PLA2R1: variants seen among roughly 807,000 people sequenced by gnomAD.
PLA2R1 encodes phospholipase A2 receptor 1, also known as secretory phospholipase A2 receptor.
Under a neutral mutation model 195.9 loss-of-function variants are expected in PLA2R1, and 158 were observed. The ratio of observed to expected loss-of-function variants is 0.81; its 90% CI spans 0.71 to 0.92. PLA2R1 has a LOEUF of 0.92. PLA2R1 is among the 40% of genes least tolerant of loss of function. The probability of loss-of-function intolerance (pLI) is 0.00; values close to 1 mark genes in which losing one functional copy is unlikely to be tolerated. For synonymous variants in PLA2R1, 586 were observed against 598.2 expected, an observed-to-expected ratio of 0.98 and a Z score of 0.30; for missense variants, 1,626 against 1,764.6, an observed-to-expected ratio of 0.92 and a Z score of 1.41.
chr2:159,947,319 A>T (rs1687450859), intron 26 of PLA2R1, 100 bp downstream of exon 26: 3 of 1,042,822 alleles, frequency 2.9e-6, no homozygotes, highest in Non-Finnish European at 4.2e-6. Context: ...GTTGCTCCTA[A>T]AGTCACTAAA....
In PLA2R1 at chr2:160,022,814, C is replaced by T; in HGVS notation, c.1145G>A (p.Trp382Ter). 2 of 1,613,214 alleles carry T rather than the reference C, an allele frequency of 1.2e-6. No homozygotes were observed. The highest frequency in any genetic ancestry group is 3.3e-5 in the Admixed American group (2 of 59,892). The change falls in exon 7 of 30, where the codon TGG becomes TAG. Residue 382 changes from tryptophan (W) to a stop codon, truncating the protein, a stop_gained. Transcript: ENST00000283243. LOFTEE classifies it high-confidence loss of function. ...GTAGCAATTACGATTGTAGGGATTC[C>T]AGCCAGGCTCACAGTGGGTAGCATA... ...KYYATHCEPGWNPYNRNCYKL... is the reference protein window; with the variant it reads ...KYYATHCEPG
intron 17 of PLA2R1, among the ~76,000 whole-genome samples, chr2:159,972,166 C>T (rs1455690709): frequency 6.6e-6 from 1 of 152,054 alleles, no homozygotes; most frequent in Non-Finnish European, 1.5e-5. Context: ...TTATTACCAC[C>T]TCAATTATGG....
chr2:159,981,562 C>A (rs889165136), intron 13 of PLA2R1, among the ~76,000 whole-genome samples: 3 of 152,074 alleles, frequency 2.0e-5, no homozygotes, highest in Non-Finnish European at 4.4e-5. Context: ...TGTGCCACTA[C>A]ACCTGGCTAA....
At chr2:160,011,736 C>G (rs1692374489) in intron 10 of PLA2R1, among the ~76,000 whole-genome samples, 1 of 152,170 alleles carries the variant, frequency 6.6e-6, no homozygotes, top group Non-Finnish European at 1.5e-5. Flanking sequence ...GACTTCCAAC[C>G]CAAGGTGTTC....
chr2:159,955,862 C>T, intron 21 of PLA2R1, 34 bp from the exon 22 acceptor site: 2 of 1,463,298 alleles, frequency 1.4e-6, no homozygotes, highest in South Asian at 2.4e-5. Flanking sequence ...TAATTTAATA[C>T]TGTAGAAAGC....
At chr2:159,946,032 T>G in intron 27 of PLA2R1, 10 of 984,434 alleles carry the variant, frequency 1.0e-5, no homozygotes, top group Non-Finnish European at 1.2e-5. Context: ...AAAAAGATTT[T>G]ACAGTGAATT....
chr2:159,989,084 C>T (rs922331108), intron 11 of PLA2R1, among the ~76,000 whole-genome samples: 5 of 152,134 alleles, frequency 3.3e-5, no homozygotes, highest in Non-Finnish European at 7.4e-5. Context: ...AACACGCTAT[C>T]CCTCACATAG....
intron 6 of PLA2R1, among the ~76,000 whole-genome samples, chr2:160,027,196 C>G (rs1004784195): frequency 5.9e-5 from 9 of 152,156 alleles, no homozygotes; most frequent in African/African-American, 2.2e-4. Flanking sequence ...CTTAACTACT[C>G]CCATTTCTGG....
At chr2:159,979,067 A>G (rs1178549648) in intron 14 of PLA2R1, among the ~76,000 whole-genome samples, 4 of 152,182 alleles carry the variant, frequency 2.6e-5, no homozygotes, top group African/African-American at 4.8e-5. Flanking sequence ...GGAACAGTAT[A>G]AGGACTCAAT....
chr2:160,042,207 A>C lies in PLA2R1; in HGVS notation c.494-9T>G. 1.2e-6 allele frequency: 2 copies of C among 1,609,876 alleles called. No individual in the cohort carries two copies. Among genetic ancestry groups the C allele is most frequent in the Non-Finnish European group, 1.7e-6 (2 of 1,176,676 alleles). ...TTTGATTGTATGCAAATCTAGGAGAAAGAAATGTACAAAGTCAGATAAGTA... is the reference window on the plus strand; with the variant it reads ...TTTGATTGTATGCAAATCTAGGAGACAGAAATGTACAAAGTCAGATAAGTA... On this transcript the variant is annotated splice_polypyrimidine_tract_variant and intron_variant, in intron 2 of 29. Coordinates refer to ENST00000283243, the MANE Select transcript of PLA2R1 (RefSeq NM_007366.5).
chr2:159,970,266 T>C (rs1689072783), intron 17 of PLA2R1, 54 bp from the exon 18 acceptor site: 2 of 1,258,772 alleles, frequency 1.6e-6, no homozygotes, highest in Non-Finnish European at 1.2e-6. Flanking sequence ...TTTTTCACTA[T>C]TAAGAGTAAT....
the PLA2R1 span, among the ~76,000 whole-genome samples, chr2:159,925,198 CA>C: frequency 2.3e-5 from 2 of 86,752 alleles, no homozygotes; most frequent in South Asian, 2.5e-4. Context: ...TAAAAAAAAA[CA>C]AACAAACAAT....
chr2:160,020,070 C>T (rs750795001), intron 8 of PLA2R1, 36 bp downstream of exon 8: 3 of 1,560,926 alleles, frequency 1.9e-6, no homozygotes, highest in Non-Finnish European at 2.6e-6. Flanking sequence ...AGTACAAGAC[C>T]AGCAAAGTGA....
chr2:160,057,513 C>A (rs1573994562), intron 1 of PLA2R1, among the ~76,000 whole-genome samples: 1 of 152,186 alleles, frequency 6.6e-6, no homozygotes, highest in East Asian at 1.9e-4. Context: ...TACATGTTCC[C>A]AGGAATGCTC....
At chr2:159,943,938 C>T (rs543520333) in intron 28 of PLA2R1, among the ~76,000 whole-genome samples, 2 of 152,110 alleles carry the variant, frequency 1.3e-5, no homozygotes, top group African/African-American at 2.4e-5. Flanking sequence ...TTCTCTCTTC[C>T]TATTTCTCCC....
chr2:159,967,038 C>T (rs1318864677), intron 20 of PLA2R1, among the ~76,000 whole-genome samples: 1 of 152,144 alleles, frequency 6.6e-6, no homozygotes, highest in East Asian at 1.9e-4. Context: ...CCTCAATTCA[C>T]TAGTGGGCAG....
intron 3 of PLA2R1, among the ~76,000 whole-genome samples, chr2:160,038,393 T>C (rs945584228): frequency 6.6e-6 from 1 of 152,194 alleles, no homozygotes; most frequent in African/African-American, 2.4e-5. Context: ...ACTTTGCGTT[T>C]CTAGCAAGCT....
chr2:160,014,397 C>T (rs1281227396), intron 9 of PLA2R1, among the ~76,000 whole-genome samples: 3 of 152,114 alleles, frequency 2.0e-5, no homozygotes, highest in African/African-American at 4.8e-5. Flanking sequence ...TCATGCAGTA[C>T]AGTCTATGGC....
chr2:160,058,099 T>C (rs1334859333), intron 1 of PLA2R1, among the ~76,000 whole-genome samples: 3 of 151,730 alleles, frequency 2.0e-5, no homozygotes, highest in Non-Finnish European at 2.9e-5. Flanking sequence ...CCATGCTTTC[T>C]AGAATCACCT....
Sources: gnomAD v4.1 joint callset for allele counts (sites outside exome capture counted in the v4.1 genomes callset) on GRCh38, gnomAD v4.1.1 for gene constraint, MANE v1.5 for transcripts, NCBI Gene and HGNC (gene_info 2026-07-23, HGNC 2026-07-21) for gene names.